The following COL12A1 variants were observed in gnomAD, a reference collection of about 807,000 sequenced individuals.
COL12A1 encodes the protein collagen alpha-1(XII) chain.
COL12A1 carries 114 observed loss-of-function variants against 349.7 expected under a neutral mutation model. The ratio of observed to expected loss-of-function variants is 0.33; its 90% CI spans 0.28 to 0.38. COL12A1 has a LOEUF of 0.38. Ranked by LOEUF, COL12A1 falls within the 10% of genes least tolerant of loss-of-function variation. The pLI, the probability that COL12A1 is intolerant of heterozygous loss-of-function variation, is 1.00. For synonymous variants in COL12A1, 1,369 were observed against 1,329.0 expected (o/e 1.03, Z -0.66); for missense variants, 3,284 against 3,756.9 (o/e 0.87, Z 3.29).
intron 16 of COL12A1, among the ~76,000 whole-genome samples, chr6:75,155,231 T>A (rs1481454916): frequency 6.6e-6 from 1 of 152,130 alleles, no homozygotes; most frequent in Non-Finnish European, 1.5e-5. Flanking sequence ...TTCTTTCTCC[T>A]GTATGGCACA....
intron 26 of COL12A1, 80 bp downstream of exon 26, chr6:75,143,172 C>T: frequency 6.7e-7 from 1 of 1,488,580 alleles, no homozygotes; most frequent in East Asian, 2.3e-5. Context: ...AACATGCTAT[C>T]ATCCATACTT....
Position 75,108,715 on chromosome 6 carries a change from G to A in COL12A1, c.8100+303C>T, listed in dbSNP as rs73746803. On this transcript the variant is annotated intron_variant, in intron 52 of 65. Transcript: ENST00000322507. Reference sequence around the variant, plus strand: ...ATAGGAACTATTTTCTATTTCACTGGGTATGTTGGCAACTCTTTGTGTGGT... The same window carrying A: ...ATAGGAACTATTTTCTATTTCACTGAGTATGTTGGCAACTCTTTGTGTGGT... Among the ~76,000 whole-genome samples the A allele has an allele frequency of 2.8e-3, 422 of 152,206 alleles. 2 individuals are homozygous for A. The highest frequency in any genetic ancestry group is 9.7e-3 in the African/African-American group (404 of 41,524).
chr6:75,146,349 G>A (rs1767194346), intron 23 of COL12A1, 105 bp from the exon 24 acceptor site: 3 of 1,194,230 alleles, frequency 2.5e-6, no homozygotes, highest in Non-Finnish European at 3.3e-6. Context: ...ACTAGACAGT[G>A]GGTTACTGTG....
At chr6:75,106,633 A>G in intron 52 of COL12A1, 137 bp from the exon 53 acceptor site, 1 of 703,054 alleles carries the variant, frequency 1.4e-6, no homozygotes. Flanking sequence ...TGTGATCCTT[A>G]CTTCATGAGG....
intron 37 of COL12A1, among the ~76,000 whole-genome samples, chr6:75,129,517 C>G (rs1002625386): frequency 6.6e-6 from 1 of 152,130 alleles, no homozygotes; most frequent in South Asian, 2.1e-4. Context: ...ATAGTGAGGG[C>G]TATGAGGAAG....
intron 58 of COL12A1, among the ~76,000 whole-genome samples, chr6:75,099,281 G>C (rs1409026363): frequency 6.6e-6 from 1 of 152,066 alleles, no homozygotes; most frequent in African/African-American, 2.4e-5. Context: ...GAAGATCTAG[G>C]CCTGATTAAC....
chr6:75,197,109 AT>A, intron 2 of COL12A1, among the ~76,000 whole-genome samples: 1 of 152,316 alleles, frequency 6.6e-6, no homozygotes, highest in African/African-American at 2.4e-5. Flanking sequence ...CTATTTGTAC[AT>A]TTGTTTGTTT....
intron 12 of COL12A1, 27 bp downstream of exon 12, chr6:75,177,636 A>G: frequency 1.2e-6 from 2 of 1,613,950 alleles, no homozygotes; most frequent in African/African-American, 1.3e-5. Flanking sequence ...TTTGGTTGTC[A>G]CCATATGATA....
Position 75,119,466 on chromosome 6 carries a change from AAT to A in COL12A1, c.7092_7093del (p.Phe2365CysfsTer6). The A allele has an allele frequency of 6.2e-7, 1 of 1,603,226 alleles. No individual in the cohort carries two copies. Among genetic ancestry groups the A allele is most frequent in the Non-Finnish European group, 8.5e-7 (1 of 1,175,428 alleles). On this transcript the variant is annotated frameshift_variant, in exon 45 of 66. Coordinates refer to ENST00000322507, the MANE Select transcript of COL12A1 (RefSeq NM_004370.6). LOFTEE classifies it high-confidence loss of function. ...CTTGACCTCATCGCTGTATTGCACA[AAT>A]GAAACCTGAAGGAAAATGTGATTTG...
intron 51 of COL12A1, among the ~76,000 whole-genome samples, chr6:75,112,672 C>T (rs1768895517): frequency 1.3e-5 from 2 of 151,664 alleles, no homozygotes; most frequent in South Asian, 2.1e-4. Context: ...AAATTAATCT[C>T]ATAAACATTT....
In COL12A1 at chr6:75,151,285, T is replaced by C; in HGVS notation, c.4003A>G (p.Ile1335Val). 1.2e-6 allele frequency: 2 copies of C among 1,612,658 alleles called. No individual in the cohort carries two copies. The highest frequency in any genetic ancestry group is 1.7e-6 in the Non-Finnish European group (2 of 1,179,140). Residue 1335 changes from isoleucine to valine, a missense_variant and splice_region_variant, in exon 21 of 66, where the codon ATT becomes GTT. Physicochemically the swap from Ile to Val is conservative, Grantham distance 29. Around this residue, in one of 2 missense-constraint regions of COL12A1, gnomAD observed 2,601 missense variants for 2,824.8 expected, o/e 0.92. Coordinates refer to ENST00000322507, the MANE Select transcript of COL12A1 (RefSeq NM_004370.6). Reference sequence around the variant, plus strand: ...AATTCGACTTCATCAGCATTTTTAATACCTTCAAAAACGGATATATACAAA... The same window carrying C: ...AATTCGACTTCATCAGCATTTTTAACACCTTCAAAAACGGATATATACAAA... The part of the protein sequence containing the change: ...DEGVELFAIG[I>V]KNADEVELKM...
rs372515517 is a variant in COL12A1, at chr6:75,175,020, A to AAT, written c.2710+17_2710+18insAT. The AAT allele has an allele frequency of 3.1e-6, 5 of 1,611,216 alleles. No individual in the cohort carries two copies. In the East Asian group the frequency reaches 1.1e-4, roughly 36 times the overall value. On this transcript the variant is annotated intron_variant, in intron 13 of 65. Transcript: ENST00000322507. ...ACAAACAAGTTCCTGGATTTTCAGA[A>AAT]AATATGATGGTAATTACCTTCAAGT... is the stretch of plus-strand genomic sequence containing the variant.
intron 14 of COL12A1, 67 bp downstream of exon 14, chr6:75,165,440 G>A: frequency 2.0e-6 from 3 of 1,533,424 alleles, no homozygotes; most frequent in Non-Finnish European, 2.6e-6. Flanking sequence ...TAAACTGCAT[G>A]TCACTTGAGC....
chr6:75,110,495 G>T (rs1217075683), intron 51 of COL12A1, among the ~76,000 whole-genome samples: 1 of 151,960 alleles, frequency 6.6e-6, no homozygotes, highest in East Asian at 1.9e-4. Flanking sequence ...CAAGTGTGTA[G>T]AGTAACCAAT....
chr6:75,152,369 C>A lies in COL12A1; in HGVS notation c.3679G>T (p.Glu1227Ter), dbSNP rs1267950689. 1 of 1,613,508 alleles carries A rather than the reference C, an allele frequency of 6.2e-7. No homozygotes were observed. Among genetic ancestry groups the A allele is most frequent in the Non-Finnish European group, 8.5e-7 (1 of 1,179,716 alleles). ...CTTTTGGGGCCAATGTCAAAGACTT[C>A]CACAATACGAGAAATGAAACTCCTC... ...TVRSFISRIV[E>*]VFDIGPKRVQ... is the part of the protein sequence containing the mutation. Residue 1227 changes from glutamate (E) to a stop codon, truncating the protein, a stop_gained, in exon 18 of 66, where the codon GAA (glutamate) becomes TAA (stop). Transcript: ENST00000322507. LOFTEE classifies it high-confidence loss of function.
At position 75,121,258 on chromosome 6, in the gene COL12A1, G is replaced by C. The variant is rs499018; in HGVS notation, c.7086+44C>G. On this transcript the variant is annotated intron_variant, in intron 44 of 65. Coordinates refer to ENST00000322507, the MANE Select transcript of COL12A1 (RefSeq NM_004370.6). ...TTAAAAAGAGAAGTTCAAAGGAAAGGCAAGACATCACAAATGAGTAGCCAC... is the reference window on the plus strand; with the variant it reads ...TTAAAAAGAGAAGTTCAAAGGAAAGCCAAGACATCACAAATGAGTAGCCAC... 0.68 allele frequency: 1,000,084 copies of C among 1,472,882 alleles called. 342,508 individuals carry two copies. The highest frequency in any genetic ancestry group is 0.73 in the South Asian group (48,880 of 66,652). 91.2% of individuals were successfully genotyped at this position (1,472,882 alleles called of 1,614,324 possible). A position where few individuals can be genotyped will look rare whatever the true frequency, so the allele number is the denominator to read the frequency against.
rs767323164 is a variant in COL12A1 at position 75,148,441 on chromosome 6, T to C, written c.4204A>G (p.Arg1402Gly). 1.2e-6 allele frequency: 2 copies of C among 1,613,558 alleles called. No homozygotes were observed. Among genetic ancestry groups the C allele is most frequent in the Non-Finnish European group, 1.7e-6 (2 of 1,179,560 alleles). The change falls in exon 22 of 66, where the codon AGA becomes GGA. Residue 1402 changes from arginine (R) to glycine (G), a missense_variant. By Grantham distance (125) the Arg-to-Gly change is moderately radical (BLOSUM62 -2). Around this residue, in one of 2 missense-constraint regions of COL12A1, gnomAD observed 2,601 missense variants for 2,824.8 expected, o/e 0.92. Transcript: ENST00000322507. ...VISERTHRSFRVSWTPPSDSV... is the reference protein window; with the variant it reads ...VISERTHRSFGVSWTPPSDSV... ...TCAGAAGGTGGTGTCCAGCTCACTC[T>C]AAAAGAACGATGGGTTCGCTCAGAA... is the stretch of plus-strand genomic sequence containing the variant.
chr6:75,156,193 T>A (rs890913005), intron 15 of COL12A1, 64 bp downstream of exon 15: 7 of 1,573,586 alleles, frequency 4.4e-6, no homozygotes, highest in Non-Finnish European at 6.1e-6. Context: ...GAAGTAGACA[T>A]ACCAAAGTCA....
chr6:75,095,495 T>C (rs1331063395), intron 59 of COL12A1, among the ~76,000 whole-genome samples: 3 of 151,526 alleles, frequency 2.0e-5, no homozygotes, highest in African/African-American at 7.3e-5. Flanking sequence ...CGGGCGCCTG[T>C]AGTCCCAGCT....
Sources: gnomAD v4.1 joint callset for allele counts (sites outside exome capture counted in the v4.1 genomes callset) on GRCh38, gnomAD v4.1.1 for gene constraint, gnomAD v4.1.1 regional missense constraint, MANE v1.5 for transcripts, NCBI Gene and HGNC (gene_info 2026-07-23, HGNC 2026-07-21) for gene names.